ZFAND3: variants seen among roughly 807,000 people sequenced by gnomAD.
The protein encoded by ZFAND3 is AN1-type zinc finger protein 3.
Under a neutral mutation model 29.6 loss-of-function variants are expected in ZFAND3, and 10 were observed. The observed-to-expected ratio is 0.34, with a 90% confidence interval of 0.21 to 0.57. ZFAND3 has a LOEUF of 0.57. ZFAND3 is among the 20% of genes least tolerant of loss of function. ZFAND3 has a pLI of 0.86. For missense variants in ZFAND3, 230 were observed against 304.5 expected, an observed-to-expected ratio of 0.76 and a Z score of 1.82; for synonymous variants, 128 against 112.6, an observed-to-expected ratio of 1.14 and a Z score of -0.87.
intron 1 of ZFAND3, among the ~76,000 whole-genome samples, chr6:37,888,501 G>A (rs9647619): frequency 0.26 from 39,685 of 152,022 alleles, 6,661 homozygotes; most frequent in Non-Finnish European, 0.38. Context: ...TGGATTGTAT[G>A]TGCAATCCAA....
chr6:38,006,048 G>A (rs1473327684), intron 2 of ZFAND3, among the ~76,000 whole-genome samples: 1 of 152,144 alleles, frequency 6.6e-6, no homozygotes, highest in African/African-American at 2.4e-5. Context: ...TTCTCTGCAT[G>A]GTGTGTCTCT....
At chr6:37,896,568 T>TTTCTTTCTTTCTTTCTC (rs1765217655) in intron 1 of ZFAND3, among the ~76,000 whole-genome samples, 2 of 145,636 alleles carry the variant, frequency 1.4e-5, no homozygotes, top group South Asian at 2.2e-4. Context: ...CTTTCTTTCT[T>TTTCTTTCTTTCTTTCTC]TCTCTCTTTC....
At chr6:37,930,092 A>T in intron 2 of ZFAND3, 93 bp downstream of exon 2, 1 of 1,255,514 alleles carries the variant, frequency 8.0e-7, no homozygotes. Context: ...TTGACCCTAA[A>T]GGATTTATGC....
intron 2 of ZFAND3, among the ~76,000 whole-genome samples, chr6:37,993,693 A>G (rs1268831765): frequency 1.3e-5 from 2 of 152,222 alleles, no homozygotes; most frequent in Non-Finnish European, 2.9e-5. Flanking sequence ...ATTGTTACCA[A>G]TAAAGTATGT....
intron 4 of ZFAND3, among the ~76,000 whole-genome samples, chr6:38,092,919 AAACT>A (rs1764902516): frequency 6.6e-6 from 1 of 152,174 alleles, no homozygotes; most frequent in Admixed American, 6.5e-5. Context: ...AGTACCCTCA[AAACT>A]AACCTATCAG....
At chr6:37,831,144 T>G (rs770260112) in intron 1 of ZFAND3, among the ~76,000 whole-genome samples, 5 of 152,228 alleles carry the variant, frequency 3.3e-5, no homozygotes, top group Non-Finnish European at 7.3e-5. Flanking sequence ...AATAGTATCT[T>G]AGAGTTGGCT....
chr6:37,863,675 A>T lies in ZFAND3; in HGVS notation c.71+43659A>T, dbSNP rs192584998. Among the ~76,000 whole-genome samples the T allele has an allele frequency of 1.7e-3, 251 of 152,004 alleles. 1 individual carries two copies. Among genetic ancestry groups the T allele is most frequent in the African/African-American group, 5.8e-3 (240 of 41,414 alleles). On this transcript the variant is annotated intron_variant, in intron 1 of 5. Transcript: ENST00000287218. Reference sequence around the variant, plus strand: ...GAAACATATTTTCAAATGGGTAAGCAGTCATGGCTTTGATTATAGTATCCA... The same window carrying T: ...GAAACATATTTTCAAATGGGTAAGCTGTCATGGCTTTGATTATAGTATCCA...
At chr6:37,912,456 A>C (rs570221904) in intron 1 of ZFAND3, among the ~76,000 whole-genome samples, 4 of 152,184 alleles carry the variant, frequency 2.6e-5, no homozygotes, top group Non-Finnish European at 5.9e-5. Flanking sequence ...AGGAAAGTAA[A>C]TAGTTGTTGA....
chr6:37,952,983 G>T (rs1051389527), intron 2 of ZFAND3, among the ~76,000 whole-genome samples: 1 of 150,980 alleles, frequency 6.6e-6, no homozygotes, highest in Non-Finnish European at 1.5e-5. Context: ...TTTTTCCGTA[G>T]TTTTTTTTCA....
chr6:38,135,878 G>A (rs1186572855), intron 5 of ZFAND3, among the ~76,000 whole-genome samples: 2 of 152,204 alleles, frequency 1.3e-5, no homozygotes, highest in Non-Finnish European at 2.9e-5. Context: ...TGAGCCTGCA[G>A]TCCAGAAGGC....
intron 2 of ZFAND3, among the ~76,000 whole-genome samples, chr6:37,964,932 G>C (rs998702030): frequency 2.1e-4 from 32 of 152,138 alleles, no homozygotes; most frequent in Admixed American, 1.8e-3. Flanking sequence ...GTGAGATACT[G>C]GGTGGACAGC....
intron 5 of ZFAND3, among the ~76,000 whole-genome samples, chr6:38,145,677 T>G (rs1206884764): frequency 6.6e-6 from 1 of 152,220 alleles, no homozygotes; most frequent in East Asian, 1.9e-4. Flanking sequence ...GGAAAAATGC[T>G]CCTCCTCAGT....
At chr6:37,990,398 A>G (rs923477501) in intron 2 of ZFAND3, among the ~76,000 whole-genome samples, 8 of 152,198 alleles carry the variant, frequency 5.3e-5, no homozygotes, top group African/African-American at 1.9e-4. Context: ...TGTACTTCCT[A>G]GAGCCACTGT....
intron 1 of ZFAND3, among the ~76,000 whole-genome samples, chr6:37,880,098 A>G (rs1037511246): frequency 1.3e-5 from 2 of 152,220 alleles, no homozygotes; most frequent in African/African-American, 4.8e-5. Context: ...CTCCTTTCTC[A>G]GTATTAAAAG....
intron 2 of ZFAND3, among the ~76,000 whole-genome samples, chr6:37,966,073 A>G (rs1252139619): frequency 1.3e-5 from 2 of 152,130 alleles, no homozygotes; most frequent in Non-Finnish European, 2.9e-5. Context: ...CAGAAGAATA[A>G]CTTTAATGAT....
chr6:37,949,961 G>T (rs1294036417), intron 2 of ZFAND3, among the ~76,000 whole-genome samples: 1 of 152,198 alleles, frequency 6.6e-6, no homozygotes, highest in Non-Finnish European at 1.5e-5. Context: ...TCTCATGGGA[G>T]GGTATTAAGA....
chr6:37,873,806 A>G (rs183626158), intron 1 of ZFAND3, among the ~76,000 whole-genome samples: 3 of 152,364 alleles, frequency 2.0e-5, no homozygotes, highest in African/African-American at 7.2e-5. Context: ...ACTCACCCCT[A>G]CATTGTGAAC....
chr6:37,911,168 T>C (rs1448329752), intron 1 of ZFAND3, among the ~76,000 whole-genome samples: 1 of 152,190 alleles, frequency 6.6e-6, no homozygotes, highest in Admixed American at 6.5e-5. Context: ...AAGGGTTCCC[T>C]TTTTCCCCCA....
At chr6:37,847,128 C>T (rs2127377358) in intron 1 of ZFAND3, among the ~76,000 whole-genome samples, 1 of 152,254 alleles carries the variant, frequency 6.6e-6, no homozygotes, top group African/African-American at 2.4e-5. Flanking sequence ...GATATATTAA[C>T]CAGAGATTTA....
Sources: allele counts gnomAD v4.1 joint callset (sites outside exome capture counted in the v4.1 genomes callset), GRCh38; gene constraint gnomAD v4.1.1; transcripts MANE v1.5; gene names NCBI Gene and HGNC (gene_info 2026-07-23, HGNC 2026-07-21).